Variants in BBS12 observed in about 807,000 individuals in gnomAD.
BBS12 encodes chaperonin-containing T-complex member BBS12.
In BBS12, 5 loss-of-function variants were observed where a neutral mutation model predicts 5.6. The ratio of observed to expected loss-of-function variants is 0.89; its 90% CI spans 0.46 to 1.86. The LOEUF is 1.86. BBS12 is among the 40% of genes most tolerant of loss of function. The probability of loss-of-function intolerance (pLI) is 0.01; values close to 1 mark genes in which losing one functional copy is unlikely to be tolerated. For missense variants in BBS12, 748 were observed against 830.4 expected, an observed-to-expected ratio of 0.90 and a Z score of 1.22; for synonymous variants, 308 against 306.8, an observed-to-expected ratio of 1.00 and a Z score of -0.04.
the BBS12 span, among the ~76,000 whole-genome samples, chr4:122,724,993 T>C: frequency 6.6e-6 from 1 of 152,200 alleles, no homozygotes; most frequent in African/African-American, 2.4e-5. Context: ...AAATATCCTT[T>C]CTTTTTTTAC....
upstream of BBS12, chr4:122,731,915 G>C (rs992807764): frequency 6.6e-6 from 1 of 152,162 alleles, no homozygotes; most frequent in African/African-American, 2.4e-5. Flanking sequence ...ATATCGTTTT[G>C]CTAATGCAGG....
At position 122,734,424 on chromosome 4, in the gene BBS12, C is replaced by T. The variant is rs181423012; in HGVS notation, c.-11+1540C>T. On this transcript the variant is annotated intron_variant, in intron 1 of 1. Coordinates refer to ENST00000314218, the MANE Select transcript of BBS12 (RefSeq NM_152618.3). ...GGGAGTACAGGCGCCCGCCACCGCG[C>T]CCGGCTAATTTTTTTGTATTTTTAG... Among the ~76,000 whole-genome samples, 568 of 152,220 alleles carry T rather than the reference C, an allele frequency of 3.7e-3. 10 individuals are homozygous for T. The highest frequency in any genetic ancestry group is 0.012 in the African/African-American group (510 of 41,544).
chr4:122,703,899 G>A, the BBS12 span, among the ~76,000 whole-genome samples: 1 of 152,004 alleles, frequency 6.6e-6, no homozygotes, highest in African/African-American at 2.4e-5. Flanking sequence ...GCCCAGGTTG[G>A]AGAGTGGGGT....
chr4:122,720,310 G>T, the BBS12 span, among the ~76,000 whole-genome samples: 1 of 152,138 alleles, frequency 6.6e-6, no homozygotes, highest in Admixed American at 6.5e-5. Flanking sequence ...AATTAGCCAG[G>T]CATGCTGGTG....
At chr4:122,705,539 T>C in the BBS12 span, among the ~76,000 whole-genome samples, 1 of 152,246 alleles carries the variant, frequency 6.6e-6, no homozygotes, top group Non-Finnish European at 1.5e-5. Flanking sequence ...AAAAAAATGC[T>C]ATTATTTCTA....
At chr4:122,700,524 G>T in the BBS12 span, among the ~76,000 whole-genome samples, 1 of 152,216 alleles carries the variant, frequency 6.6e-6, no homozygotes, top group African/African-American at 2.4e-5. Context: ...TGAGGGAACA[G>T]CTCACAGTGA....
chr4:122,721,620 C>T, the BBS12 span, among the ~76,000 whole-genome samples: 21 of 152,166 alleles, frequency 1.4e-4, no homozygotes, highest in Non-Finnish European at 2.9e-4. Context: ...GCTAACTTGT[C>T]TGTTTGGTAG....
the BBS12 span, among the ~76,000 whole-genome samples, chr4:122,727,071 G>A: frequency 6.6e-6 from 1 of 150,620 alleles, no homozygotes; most frequent in East Asian, 2.0e-4. Flanking sequence ...AATACCACCT[G>A]TTCCCCCAAA....
In BBS12 at chr4:122,741,999, C is replaced by G. The variant is rs746302850; in HGVS notation, c.107C>G (p.Ser36Cys). The G allele has an allele frequency of 9.3e-6, 15 of 1,613,252 alleles. No individual in the cohort carries two copies. The South Asian group carries it at 1.6e-4, about 18-fold the overall frequency. Residue 36 changes from serine to cysteine, a missense_variant, in exon 2 of 2, where the codon TCC becomes TGC. By Grantham distance (112) the Ser-to-Cys change is moderately radical (BLOSUM62 -1). Coordinates refer to ENST00000314218, the MANE Select transcript of BBS12 (RefSeq NM_152618.3). ...GRTFLGPLKS[S>C]KFIIDEECHE... ...ACTTTCCTAGGCCCACTAAAATCATCCAAATTTATTATAGATGAAGAATGT... is the reference window on the plus strand; with the variant it reads ...ACTTTCCTAGGCCCACTAAAATCATGCAAATTTATTATAGATGAAGAATGT...
intron 1 of BBS12, among the ~76,000 whole-genome samples, chr4:122,736,686 G>C (rs1449456356): frequency 6.6e-6 from 1 of 152,140 alleles, no homozygotes; most frequent in Non-Finnish European, 1.5e-5. Flanking sequence ...ATCAGATTGT[G>C]TCTGTGTAAT....
At chr4:122,724,852 T>G in the BBS12 span, among the ~76,000 whole-genome samples, 6 of 152,192 alleles carry the variant, frequency 3.9e-5, no homozygotes, top group African/African-American at 1.4e-4. Flanking sequence ...GAGGGATAGA[T>G]TTAAATAAAT....
the BBS12 span, among the ~76,000 whole-genome samples, chr4:122,707,195 A>C: frequency 8.6e-5 from 13 of 151,738 alleles, no homozygotes; most frequent in Non-Finnish European, 1.6e-4. Flanking sequence ...CAATATAGAC[A>C]TGTAGTCTCC....
the BBS12 span, among the ~76,000 whole-genome samples, chr4:122,701,418 C>A: frequency 8.3e-6 from 1 of 120,892 alleles, no homozygotes; most frequent in Non-Finnish European, 1.6e-5. Flanking sequence ...ACATAACTTA[C>A]GGATTCAAGG....
chr4:122,725,065 A>C, the BBS12 span, among the ~76,000 whole-genome samples: 3 of 152,178 alleles, frequency 2.0e-5, no homozygotes, highest in African/African-American at 7.2e-5. Context: ...AAATACTGTT[A>C]AAAGACAAAG....
chr4:122,707,274 C>G, the BBS12 span, among the ~76,000 whole-genome samples: 21 of 126,582 alleles, frequency 1.7e-4, no homozygotes, highest in African/African-American at 7.1e-4. Flanking sequence ...TGTCTCACAT[C>G]CTAAAAGAGA....
chr4:122,711,143 T>C, the BBS12 span, among the ~76,000 whole-genome samples: 4 of 152,144 alleles, frequency 2.6e-5, no homozygotes, highest in Admixed American at 6.6e-5. Flanking sequence ...TCAATTCACA[T>C]ACAAGCACCT....
At chr4:122,740,424 T>C (rs1163922288) in intron 1 of BBS12, among the ~76,000 whole-genome samples, 1 of 152,234 alleles carries the variant, frequency 6.6e-6, no homozygotes, top group African/African-American at 2.4e-5. Flanking sequence ...ACCTTTCCCA[T>C]TGAACCTGTG....
the BBS12 span, among the ~76,000 whole-genome samples, chr4:122,716,726 T>C: frequency 7.3e-5 from 9 of 122,486 alleles, no homozygotes; most frequent in Admixed American, 4.2e-4. Context: ...TGTGTGTATA[T>C]ACACACACAC....
chr4:122,737,408 G>A (rs1168318833), intron 1 of BBS12, among the ~76,000 whole-genome samples: 1 of 152,166 alleles, frequency 6.6e-6, no homozygotes, highest in Non-Finnish European at 1.5e-5. Context: ...TTACAAATTA[G>A]CTGTGAAATT....
Sources: allele counts gnomAD v4.1 joint callset (sites outside exome capture counted in the v4.1 genomes callset), GRCh38; gene constraint gnomAD v4.1.1; transcripts MANE v1.5; gene names NCBI Gene and HGNC (gene_info 2026-07-23, HGNC 2026-07-21).